TNR: variants seen among roughly 807,000 people sequenced by gnomAD.
The protein encoded by TNR is tenascin-R.
TNR carries 45 observed loss-of-function variants against 150.4 expected under a neutral mutation model. The ratio of observed to expected loss-of-function variants is 0.30; its 90% CI spans 0.24 to 0.38. The LOEUF is 0.38. TNR is among the 10% of genes least tolerant of loss of function. The probability of loss-of-function intolerance (pLI) is 1.00; values close to 1 mark genes in which losing one functional copy is unlikely to be tolerated. For missense variants in TNR, 1,544 were observed against 1,759.1 expected, an observed-to-expected ratio of 0.88 and a Z score of 2.19; for synonymous variants, 687 against 678.4, an observed-to-expected ratio of 1.01 and a Z score of -0.20.
intron 1 of TNR, among the ~76,000 whole-genome samples, chr1:175,589,201 C>T (rs761470854): frequency 2.0e-5 from 3 of 152,094 alleles, no homozygotes; most frequent in Non-Finnish European, 4.4e-5. Context: ...AAATCTTGAC[C>T]CCATCATATG....
At chr1:175,540,879 T>C (rs535982647) in intron 1 of TNR, among the ~76,000 whole-genome samples, 2 of 152,164 alleles carry the variant, frequency 1.3e-5, no homozygotes, top group African/African-American at 2.4e-5. Context: ...AGTTATTTCT[T>C]CTTAAACCTC....
In TNR at chr1:175,321,783, T is replaced by A. The variant is rs1215428385; in HGVS notation, c.*1574A>T. Reference sequence around the variant, plus strand: ...AATTTCCTTTGGCTATTGTCATTTTTCCTTTGCAAGGCAGAATAATAAAAG... The same window carrying A: ...AATTTCCTTTGGCTATTGTCATTTTACCTTTGCAAGGCAGAATAATAAAAG... On this transcript the variant is annotated 3_prime_UTR_variant, in exon 23 of 23. Coordinates refer to ENST00000367674, the MANE Select transcript of TNR (RefSeq NM_003285.3). 5 of 152,206 alleles carry A rather than the reference T, an allele frequency of 3.3e-5. No individual in the cohort carries two copies. Among genetic ancestry groups the A allele is most frequent in the South Asian group, 2.1e-4 (1 of 4,828 alleles). 9.4% of individuals were successfully genotyped at this position (152,206 alleles called of 1,614,324 possible). A position where few individuals can be genotyped will look rare whatever the true frequency, so the allele number is the denominator to read the frequency against.
At chr1:175,610,974 G>A (rs1663576882) in intron 1 of TNR, among the ~76,000 whole-genome samples, 1 of 152,220 alleles carries the variant, frequency 6.6e-6, no homozygotes, top group African/African-American at 2.4e-5. Context: ...CACTGAGCCA[G>A]TTTGGTGTGC....
At chr1:175,595,224 A>T (rs1452611015) in intron 1 of TNR, among the ~76,000 whole-genome samples, 1 of 152,224 alleles carries the variant, frequency 6.6e-6, no homozygotes, top group Admixed American at 6.5e-5. Flanking sequence ...ACATTTGGTG[A>T]TTGCCAGCTA....
intron 1 of TNR, among the ~76,000 whole-genome samples, chr1:175,566,190 T>C (rs1292717393): frequency 6.6e-6 from 1 of 152,226 alleles, no homozygotes; most frequent in Non-Finnish European, 1.5e-5. Flanking sequence ...TACATCAAAA[T>C]CCAATTAATT....
rs182387947 is a variant in TNR, at chr1:175,363,333, T to A, written c.2707+375A>T. On this transcript the variant is annotated intron_variant, in intron 13 of 22. Coordinates refer to ENST00000367674, the MANE Select transcript of TNR (RefSeq NM_003285.3). ...GCTTCCCTCCAAGGCTCCATCTGGC[T>A]TTGCTGGGTCTTTAGCCATCCCTCT... 2.4e-3 allele frequency among the ~76,000 whole-genome samples: 361 copies of A among 152,358 alleles called. 6 individuals carry two copies. The highest frequency in any genetic ancestry group is 1.5e-4 in the Non-Finnish European group (10 of 68,028).
chr1:175,672,473 A>G (rs1571737323), intron 1 of TNR, among the ~76,000 whole-genome samples: 1 of 152,228 alleles, frequency 6.6e-6, no homozygotes, highest in East Asian at 1.9e-4. Flanking sequence ...AGGTGGGGCA[A>G]TCACAAGTGT....
At chr1:175,380,400 G>T (rs551514891) in intron 8 of TNR, among the ~76,000 whole-genome samples, 2 of 152,042 alleles carry the variant, frequency 1.3e-5, no homozygotes, top group Admixed American at 6.5e-5. Context: ...TTGTTGCATG[G>T]ATTAGGCAAT....
In TNR at chr1:175,743,394, G is replaced by A. The variant is rs1451108874; in HGVS notation, c.-333C>T. 2.0e-5 allele frequency: 3 copies of A among 152,166 alleles called. No homozygotes were observed. The highest frequency in any genetic ancestry group is 6.6e-5 in the Admixed American group (1 of 15,258). 9.4% of individuals were successfully genotyped at this position (152,166 alleles called of 1,614,324 possible). A position where few individuals can be genotyped will look rare whatever the true frequency, so the allele number is the denominator to read the frequency against. On this transcript the variant is annotated 5_prime_UTR_variant, in exon 1 of 23. Transcript: ENST00000367674. Reference sequence around the variant, plus strand: ...AGAGACAAGGCTCCACGAAAGAAATGAAACCCAAGCTGTCAGGGCTACGGG... The same window carrying A: ...AGAGACAAGGCTCCACGAAAGAAATAAAACCCAAGCTGTCAGGGCTACGGG...
chr1:175,649,174 G>A (rs762173656), intron 1 of TNR, among the ~76,000 whole-genome samples: 13 of 152,128 alleles, frequency 8.5e-5, no homozygotes, highest in Admixed American at 6.5e-5. Context: ...TCTGTTCAGC[G>A]GCTCTGCCTC....
chr1:175,386,384 G>T, intron 7 of TNR, 83 bp from the exon 8 acceptor site: 2 of 1,410,016 alleles, frequency 1.4e-6, no homozygotes, highest in Non-Finnish European at 1.9e-6. Context: ...CCTCCTTATG[G>T]AAGTCTGGTG....
chr1:175,493,175 G>A (rs980930759), intron 2 of TNR, among the ~76,000 whole-genome samples: 6 of 151,990 alleles, frequency 3.9e-5, no homozygotes, highest in African/African-American at 1.5e-4. Context: ...AGGGTTGCAC[G>A]GAGCCCAGAA....
intron 15 of TNR, among the ~76,000 whole-genome samples, 169 bp downstream of exon 15, chr1:175,359,443 G>A (rs1651489911): frequency 6.6e-6 from 1 of 152,082 alleles, no homozygotes; most frequent in African/African-American, 2.4e-5. Context: ...ACGATGCCCA[G>A]CATAGAGTTT....
intron 1 of TNR, among the ~76,000 whole-genome samples, chr1:175,738,683 A>G (rs1667841173): frequency 6.6e-6 from 1 of 152,136 alleles, no homozygotes; most frequent in Admixed American, 6.5e-5. Context: ...GGTTGCTTGA[A>G]TTCCCTTTGC....
intron 18 of TNR, among the ~76,000 whole-genome samples, chr1:175,353,521 C>A (rs1651163926): frequency 6.6e-6 from 1 of 152,162 alleles, no homozygotes; most frequent in African/African-American, 2.4e-5. Context: ...AAGTAGAAGA[C>A]CTGGGTTCAA....
chr1:175,328,500 C>T (rs1002578858), intron 21 of TNR, among the ~76,000 whole-genome samples: 1 of 152,182 alleles, frequency 6.6e-6, no homozygotes, highest in Non-Finnish European at 1.5e-5. Context: ...GGCTCTTCCT[C>T]TCCAGAAACC....
Position 175,323,145 on chromosome 1 carries a change from G to T in TNR, c.*212C>A. 1 of 539,802 alleles carries T rather than the reference G, an allele frequency of 1.9e-6. No homozygotes were observed. Among genetic ancestry groups the T allele is most frequent in the Non-Finnish European group, 3.1e-6 (1 of 320,450 alleles). 33.4% of individuals were successfully genotyped at this position (539,802 alleles called of 1,614,324 possible). A position where few individuals can be genotyped will look rare whatever the true frequency, so the allele number is the denominator to read the frequency against. On this transcript the variant is annotated 3_prime_UTR_variant, in exon 23 of 23. Transcript: ENST00000367674. ...AGGAGGTGAAGGTTGAGGAGGCCTG[G>T]GTAGGAGGGAGAATGGAGACTGAGG...
chr1:175,657,157 T>C (rs1337078075), intron 1 of TNR, among the ~76,000 whole-genome samples: 1 of 152,188 alleles, frequency 6.6e-6, no homozygotes, highest in Non-Finnish European at 1.5e-5. Flanking sequence ...AGATGGATGT[T>C]CTGAGGTCCC....
At position 175,723,701 on chromosome 1, in the gene TNR, G is replaced by A. The variant is rs4652114; in HGVS notation, c.-165+19525C>T. ...AGCCTGGCCAACATGGTGAAACCCC[G>A]TCTCTACTAAAAATAATTTTTTAAA... On this transcript the variant is annotated intron_variant, in intron 1 of 22. Coordinates refer to ENST00000367674, the MANE Select transcript of TNR (RefSeq NM_003285.3). Among the ~76,000 whole-genome samples the A allele has an allele frequency of 9.2e-3, 1,396 of 152,200 alleles. 24 individuals carry two copies. The highest frequency in any genetic ancestry group is 0.029 in the African/African-American group (1,202 of 41,528).
Sources: gnomAD v4.1 joint callset for allele counts (sites outside exome capture counted in the v4.1 genomes callset) on GRCh38, gnomAD v4.1.1 for gene constraint, MANE v1.5 for transcripts, NCBI Gene and HGNC (gene_info 2026-07-23, HGNC 2026-07-21) for gene names.